CDH13: variants seen among roughly 807,000 people sequenced by gnomAD.
CDH13 encodes cadherin 13, also known as cadherin-13.
Under a neutral mutation model 63.8 loss-of-function variants are expected in CDH13, and 24 were observed. The observed-to-expected ratio is 0.38, with a 90% confidence interval of 0.27 to 0.53. The LOEUF (loss-of-function observed/expected upper bound fraction) is 0.53. Among genes scored for constraint, CDH13 ranks in the 20% least tolerant of loss-of-function variants. CDH13 has a pLI of 0.85. For missense variants in CDH13, 1,049 were observed against 903.1 expected, an observed-to-expected ratio of 1.16 and a Z score of -2.07; for synonymous variants, 503 against 355.3, an observed-to-expected ratio of 1.42 and a Z score of -4.67.
At chr16:83,076,137 C>G (rs1168820185) in intron 3 of CDH13, among the ~76,000 whole-genome samples, 3 of 152,140 alleles carry the variant, frequency 2.0e-5, no homozygotes, top group African/African-American at 7.2e-5. Context: ...TATGATGAGA[C>G]CAAGTGGCCC....
At chr16:82,989,450 A>G (rs111294364) in intron 2 of CDH13, among the ~76,000 whole-genome samples, 519 of 152,328 alleles carry the variant, frequency 3.4e-3, no homozygotes, top group African/African-American at 0.012. Context: ...TGTCCCAGGA[A>G]TATCAGGATC....
intron 6 of CDH13, among the ~76,000 whole-genome samples, chr16:83,412,542 C>T (rs12599334): frequency 6.6e-6 from 1 of 152,180 alleles, no homozygotes; most frequent in South Asian, 2.1e-4. Flanking sequence ...AAGCCCCCAC[C>T]TTAGTGATAC....
chr16:82,967,425 G>C (rs1455993860), intron 2 of CDH13, among the ~76,000 whole-genome samples: 2 of 152,080 alleles, frequency 1.3e-5, no homozygotes, highest in Admixed American at 6.5e-5. Context: ...GCTCATACCT[G>C]GTTCGTATTT....
chr16:82,679,130 C>T (rs1463309579), intron 1 of CDH13, among the ~76,000 whole-genome samples: 2 of 152,220 alleles, frequency 1.3e-5, no homozygotes, highest in Admixed American at 6.5e-5. Context: ...GGAACGCCAG[C>T]TCCTTTGCAT....
At chr16:83,755,966 C>T (rs1441313142) in intron 11 of CDH13, among the ~76,000 whole-genome samples, 1 of 152,096 alleles carries the variant, frequency 6.6e-6, no homozygotes, top group Non-Finnish European at 1.5e-5. Flanking sequence ...AAATGCATGA[C>T]AGCAGTAACA....
chr16:83,665,805 T>C (rs923226658), intron 8 of CDH13, among the ~76,000 whole-genome samples: 4 of 152,202 alleles, frequency 2.6e-5, no homozygotes, highest in Non-Finnish European at 5.9e-5. Flanking sequence ...ATTTCCATCT[T>C]CCATGTTAAT....
In CDH13 at chr16:82,885,443, C is replaced by G. The variant is rs2040852141; in HGVS notation, c.157+26970C>G. 3.3e-5 allele frequency among the ~76,000 whole-genome samples: 3 copies of G among 89,610 alleles called. No individual in the cohort carries two copies. In the Admixed American group the frequency reaches 3.7e-4, roughly 11 times the overall value. The allele number at this position is 89,610 out of a possible 152,430, so 58.8% of individuals were successfully genotyped here. A position where few individuals can be genotyped will look rare whatever the true frequency, so the allele number is the denominator to read the frequency against. On this transcript the variant is annotated intron_variant, in intron 2 of 13. Coordinates refer to ENST00000567109, the MANE Select transcript of CDH13 (RefSeq NM_001257.5). ...CTATATACACCTCCCACCCCCCCAC[C>G]CACTCATTCATTCATCCACCTACCC...
chr16:83,614,416 C>A (rs1299121884), intron 8 of CDH13, among the ~76,000 whole-genome samples: 1 of 152,228 alleles, frequency 6.6e-6, no homozygotes, highest in Non-Finnish European at 1.5e-5. Context: ...CTGCTGAAAG[C>A]TCTCCTTGGC....
chr16:83,660,009 A>T (rs1203959598), intron 8 of CDH13, among the ~76,000 whole-genome samples: 2 of 151,684 alleles, frequency 1.3e-5, no homozygotes, highest in Non-Finnish European at 2.9e-5. Flanking sequence ...CTGGCCTCGA[A>T]CTCCTGACCT....
At chr16:82,666,754 G>A (rs749081809) in intron 1 of CDH13, among the ~76,000 whole-genome samples, 2 of 152,114 alleles carry the variant, frequency 1.3e-5, no homozygotes, top group African/African-American at 2.4e-5. Context: ...AATGTTAAAT[G>A]GTGTGCTCAA....
At chr16:83,574,096 C>CT (rs1296055355) in intron 7 of CDH13, among the ~76,000 whole-genome samples, 1 of 152,084 alleles carries the variant, frequency 6.6e-6, no homozygotes, top group African/African-American at 2.4e-5. Flanking sequence ...TGGGCAGCTG[C>CT]TGAAAAAGAG....
At chr16:83,221,916 C>T (rs1324342223) in intron 5 of CDH13, among the ~76,000 whole-genome samples, 1 of 152,142 alleles carries the variant, frequency 6.6e-6, no homozygotes, top group Non-Finnish European at 1.5e-5. Context: ...CATACACAGA[C>T]CTATGAAAAT....
In CDH13 at chr16:83,341,989, C is replaced by CCCCACACACA. The variant is rs767233245; in HGVS notation, c.637-2872_637-2871insCCACACACAC. ...ATTTATTTTGAATAGGTGTCCCCTG[C>CCCCACACACA]CACACACACACACACACACACACAC... On this transcript the variant is annotated intron_variant, in intron 5 of 13. Coordinates refer to ENST00000567109, the MANE Select transcript of CDH13 (RefSeq NM_001257.5). Among the ~76,000 whole-genome samples the CCCCACACACA allele has an allele frequency of 1.8e-3, 251 of 138,148 alleles. 1 individual carries two copies. Among genetic ancestry groups the CCCCACACACA allele is most frequent in the Non-Finnish European group, 2.6e-3 (170 of 64,246 alleles). The allele number at this position is 138,148 out of a possible 152,430, so 90.6% of individuals were successfully genotyped here. A position where few individuals can be genotyped will look rare whatever the true frequency, so the allele number is the denominator to read the frequency against.
chr16:83,531,227 A>T (rs1371335195), intron 7 of CDH13, among the ~76,000 whole-genome samples: 1 of 152,208 alleles, frequency 6.6e-6, no homozygotes, highest in African/African-American at 2.4e-5. Context: ...TTTACATGTA[A>T]CTAGGCCTCT....
intron 10 of CDH13, among the ~76,000 whole-genome samples, chr16:83,701,517 T>A (rs1392303637): frequency 6.6e-6 from 1 of 152,170 alleles, no homozygotes; most frequent in Non-Finnish European, 1.5e-5. Context: ...TTTCGCCGTG[T>A]GGGAGACTGA....
At chr16:82,629,018 G>A (rs1034735818) in intron 1 of CDH13, among the ~76,000 whole-genome samples, 1 of 152,232 alleles carries the variant, frequency 6.6e-6, no homozygotes, top group Non-Finnish European at 1.5e-5. Flanking sequence ...ACTTACCATT[G>A]CCTTGTCCAG....
intron 12 of CDH13, among the ~76,000 whole-genome samples, chr16:83,780,958 A>G (rs1037616323): frequency 4.6e-5 from 7 of 152,222 alleles, no homozygotes; most frequent in African/African-American, 1.4e-4. Flanking sequence ...AAGTGCTAGG[A>G]TAAGAATCTT....
At chr16:82,750,690 G>A (rs1335294224) in intron 1 of CDH13, among the ~76,000 whole-genome samples, 2 of 152,190 alleles carry the variant, frequency 1.3e-5, no homozygotes, top group Non-Finnish European at 2.9e-5. Flanking sequence ...GCTTCCAGCT[G>A]ATAGAGGTTG....
chr16:83,305,744 T>C (rs1316079238), intron 5 of CDH13, among the ~76,000 whole-genome samples: 9 of 152,138 alleles, frequency 5.9e-5, no homozygotes, highest in African/African-American at 9.7e-5. Flanking sequence ...ATCTGTACAA[T>C]GGGATTAATA....
Sources: gnomAD v4.1 joint callset for allele counts (sites outside exome capture counted in the v4.1 genomes callset) on GRCh38, gnomAD v4.1.1 for gene constraint, MANE v1.5 for transcripts, NCBI Gene and HGNC (gene_info 2026-07-23, HGNC 2026-07-21) for gene names.